PCDHGC3: variants seen among roughly 807,000 people sequenced by gnomAD.
PCDHGC3 encodes the protein protocadherin gamma subfamily C, 3.
A neutral mutation model predicts 59.2 loss-of-function variants in PCDHGC3; 26 were observed. The observed-to-expected ratio is 0.44, with a 90% CI of 0.32 to 0.61. PCDHGC3 has a LOEUF of 0.61. PCDHGC3 is among the 20% of genes least tolerant of loss of function. The pLI is 0.05. For synonymous variants in PCDHGC3, 487 were observed against 519.7 expected (o/e 0.94, Z 0.86); for missense variants, 1,080 against 1,221.8 (o/e 0.88, Z 1.73).
intron 1 of PCDHGC3, among the ~76,000 whole-genome samples, chr5:141,482,794 G>A (rs374042779): frequency 6.2e-5 from 8 of 129,246 alleles, no homozygotes; most frequent in Non-Finnish European, 8.1e-5. Flanking sequence ...GTGTGTGGCC[G>A]GGTACGGTGG....
intron 2 of PCDHGC3, among the ~76,000 whole-genome samples, chr5:141,501,988 T>C (rs2099812189): frequency 6.6e-6 from 1 of 152,056 alleles, no homozygotes; most frequent in Non-Finnish European, 1.5e-5. Flanking sequence ...GGTCCCGTTG[T>C]CTCCCTGACA....
Position 141,486,266 on chromosome 5 carries a change from C to G in PCDHGC3, c.2430+7720C>G, listed in dbSNP as rs1311684194. On this transcript the variant is annotated intron_variant, in intron 1 of 3. Transcript: ENST00000308177. The surrounding 1 kb of genome is among the most constrained non-coding windows in gnomAD (Gnocchi z 5.0). Reference sequence around the variant, plus strand: ...TGGAACCCTCCCCGAGAGTGCAGAACCTGGCACTGTGGTGGCACTTATCAG... The same window carrying G: ...TGGAACCCTCCCCGAGAGTGCAGAAGCTGGCACTGTGGTGGCACTTATCAG... 1 of 1,614,098 alleles carries G rather than the reference C, an allele frequency of 6.2e-7. No individual in the cohort carries two copies.
At position 141,485,326 on chromosome 5, in the gene PCDHGC3, T is replaced by C. The variant is rs2154580391; in HGVS notation, c.2430+6780T>C. On this transcript the variant is annotated intron_variant, in intron 1 of 3. Coordinates refer to ENST00000308177, the MANE Select transcript of PCDHGC3 (RefSeq NM_002588.4). This position sits in a 1 kb window ranked among gnomAD's most constrained non-coding sequence, Gnocchi z 5.7. ...CTTTTGTAGGGAATGTCGCTCAAGATTTCCTGCTGGATACGGACAGTCTGT... is the reference window on the plus strand; with the variant it reads ...CTTTTGTAGGGAATGTCGCTCAAGACTTCCTGCTGGATACGGACAGTCTGT... 1 of 1,614,106 alleles carries C rather than the reference T, an allele frequency of 6.2e-7. No homozygotes were observed. The highest frequency in any genetic ancestry group is 1.7e-5 in the Admixed American group (1 of 60,028).
At chr5:141,483,743 C>G (rs1360515518) in intron 1 of PCDHGC3, among the ~76,000 whole-genome samples, 2 of 152,022 alleles carry the variant, frequency 1.3e-5, no homozygotes, top group Non-Finnish European at 2.9e-5. Context: ...AAAGGATATT[C>G]CTGAGGATCG....
Position 141,476,369 on chromosome 5 carries a change from G to A in PCDHGC3, c.253G>A (p.Glu85Lys), listed in dbSNP as rs1178923246. 1.9e-6 allele frequency: 3 copies of A among 1,614,098 alleles called. No homozygotes were observed. The African/African-American group carries it at 4.0e-5, about 22-fold the overall frequency. ...RFFEVNRETG[E>K]MFVNDRLDRE... ...CTTTGAGGTGAACCGGGAGACCGGA[G>A]AGATGTTTGTGAACGACCGTCTGGA... The change falls in exon 1 of 4, where the codon GAG becomes AAG. Residue 85 changes from glutamate (E) to lysine (K), a missense_variant. Transcript: ENST00000308177. This position sits in a 1 kb window ranked among gnomAD's most constrained non-coding sequence, Gnocchi z 7.6.
In PCDHGC3 at chr5:141,487,456, G is replaced by A. The variant is rs1041154635; in HGVS notation, c.2431-7351G>A. Reference sequence around the variant, plus strand: ...AGCTAGGGTCAGATGACCCTATCAAGTTTGTTGATGTGGGAGGCCACTCTC... The same window carrying A: ...AGCTAGGGTCAGATGACCCTATCAAATTTGTTGATGTGGGAGGCCACTCTC... On this transcript the variant is annotated intron_variant, in intron 1 of 3. Coordinates refer to ENST00000308177, the MANE Select transcript of PCDHGC3 (RefSeq NM_002588.4). The surrounding 1 kb of genome is among the most constrained non-coding windows in gnomAD (Gnocchi z 5.0). 6.2e-7 allele frequency: 1 copy of A among 1,614,196 alleles called. No individual in the cohort carries two copies. The highest frequency in any genetic ancestry group is 8.5e-7 in the Non-Finnish European group (1 of 1,180,026).
In PCDHGC3 at chr5:141,477,294, C is replaced by T. The variant is rs753131175; in HGVS notation, c.1178C>T (p.Pro393Leu). ...GGGCTGGTGACCTGCGAAGTTCCAC[C>T]GGGTCTCCCTTTCAGCCTTACTTCT... is the stretch of plus-strand genomic sequence containing the variant. Reference protein sequence around the residue: ...ENGLVTCEVPPGLPFSLTSSL... With the variant: ...ENGLVTCEVPLGLPFSLTSSL... Residue 393 changes from proline to leucine, a missense_variant, in exon 1 of 4, where the codon CCG becomes CTG. By Grantham distance (98) the Pro-to-Leu change is moderately conservative. Transcript: ENST00000308177. The surrounding 1 kb of genome is among the most constrained non-coding windows in gnomAD (Gnocchi z 4.9). 4.3e-6 allele frequency: 7 copies of T among 1,614,142 alleles called. No individual in the cohort carries two copies. Among genetic ancestry groups the T allele is most frequent in the East Asian group, 4.5e-5 (2 of 44,872 alleles).
Position 141,490,644 on chromosome 5 carries a change from T to G in PCDHGC3, c.2431-4163T>G, listed in dbSNP as rs772742713. 1 of 1,614,188 alleles carries G rather than the reference T, an allele frequency of 6.2e-7. No individual in the cohort carries two copies. Among genetic ancestry groups the G allele is most frequent in the Non-Finnish European group, 8.5e-7 (1 of 1,180,016 alleles). The stretch of plus-strand genomic sequence containing the variant: ...CTGCTTACATCCTAGAAAACCGGCC[T>G]CCGGGCTCCCTTCTTTGCACTGTGG... On this transcript the variant is annotated intron_variant, in intron 1 of 3. Transcript: ENST00000308177. The surrounding 1 kb of genome is among the most constrained non-coding windows in gnomAD (Gnocchi z 5.4).
rs750139205 is a variant in PCDHGC3 at position 141,489,738 on chromosome 5, T to C, written c.2431-5069T>C. Reference sequence around the variant, plus strand: ...AGGATCCGGATGTGGGCACCAATACTGTGAGCTTTTACACTCTAAGCCCCA... The same window carrying C: ...AGGATCCGGATGTGGGCACCAATACCGTGAGCTTTTACACTCTAAGCCCCA... On this transcript the variant is annotated intron_variant, in intron 1 of 3. Coordinates refer to ENST00000308177, the MANE Select transcript of PCDHGC3 (RefSeq NM_002588.4). This position sits in a 1 kb window ranked among gnomAD's most constrained non-coding sequence, Gnocchi z 4.5. 1 of 1,614,168 alleles carries C rather than the reference T, an allele frequency of 6.2e-7. No individual in the cohort carries two copies. Among genetic ancestry groups the C allele is most frequent in the Non-Finnish European group, 8.5e-7 (1 of 1,180,030 alleles).
At position 141,511,520 on chromosome 5, in the gene PCDHGC3, A is replaced by C; in HGVS notation, c.*347A>C. On this transcript the variant is annotated 3_prime_UTR_variant, in exon 4 of 4. Coordinates refer to ENST00000308177, the MANE Select transcript of PCDHGC3 (RefSeq NM_002588.4). Reference sequence around the variant, plus strand: ...CAAATCAATCAGGCCCATCCATCCCATGCCTCCCTCCTCCCCACCCCACTC... The same window carrying C: ...CAAATCAATCAGGCCCATCCATCCCCTGCCTCCCTCCTCCCCACCCCACTC... The C allele has an allele frequency of 2.8e-6, 1 of 358,498 alleles. No homozygotes were observed. Among genetic ancestry groups the C allele is most frequent in the Non-Finnish European group, 5.3e-6 (1 of 189,848 alleles). 22.2% of individuals were successfully genotyped at this position (358,498 alleles called of 1,614,324 possible).
intron 1 of PCDHGC3, among the ~76,000 whole-genome samples, chr5:141,481,749 C>T (rs958851030): frequency 6.6e-6 from 1 of 151,976 alleles, no homozygotes; most frequent in Non-Finnish European, 1.5e-5. Context: ...GTCAGGAGTC[C>T]AAGACCAGCC....
Position 141,486,674 on chromosome 5 carries a change from G to A in PCDHGC3, c.2430+8128G>A. On this transcript the variant is annotated intron_variant, in intron 1 of 3. Transcript: ENST00000308177. This position sits in a 1 kb window ranked among gnomAD's most constrained non-coding sequence, Gnocchi z 5.0. ...CTCACTCCTGGAGCCCAGGAATCGA[G>A]ATGTATCAGCTTCCTCTTTCATCTC... The A allele has an allele frequency of 1.9e-6, 3 of 1,614,080 alleles. No individual in the cohort carries two copies. Among genetic ancestry groups the A allele is most frequent in the Non-Finnish European group, 2.5e-6 (3 of 1,180,036 alleles).
chr5:141,506,742 A>G (rs1475692668), intron 3 of PCDHGC3, among the ~76,000 whole-genome samples: 5 of 152,172 alleles, frequency 3.3e-5, no homozygotes, highest in Non-Finnish European at 7.3e-5. Context: ...AATGCCTATT[A>G]ATAAAGACTA....
intron 1 of PCDHGC3, among the ~76,000 whole-genome samples, chr5:141,483,459 G>A (rs1214951485): frequency 6.6e-6 from 1 of 152,186 alleles, no homozygotes; most frequent in Non-Finnish European, 1.5e-5. Flanking sequence ...AGGACTTGTT[G>A]ATTGACATGA....
At chr5:141,509,032 A>G (rs2099873869) in intron 3 of PCDHGC3, among the ~76,000 whole-genome samples, 1 of 151,488 alleles carries the variant, frequency 6.6e-6, no homozygotes, top group African/African-American at 2.4e-5. Flanking sequence ...CTCCCACTCA[A>G]CCCCTCTCCC....
At chr5:141,494,772 G>C in intron 1 of PCDHGC3, 35 bp from the exon 2 acceptor site, 1 of 1,613,982 alleles carries the variant, frequency 6.2e-7, no homozygotes, top group Non-Finnish European at 8.5e-7. Context: ...ACTTCTCACG[G>C]GTACTCAGCC....
rs779686795 is a variant in PCDHGC3 at position 141,476,566 on chromosome 5, G to C, written c.450G>C (p.Pro150=). The stretch of plus-strand genomic sequence containing the variant: ...TGGAGATTAGCGAGGCCGTGGCTCC[G>C]GGGACGCGCTTTCCGCTCGAGAGCG... ...MKLEISEAVA[P]GTRFPLESAH... Residue 150 remains proline, a synonymous_variant, in exon 1 of 4, where the codon CCG becomes CCC. Transcript: ENST00000308177. This position sits in a 1 kb window ranked among gnomAD's most constrained non-coding sequence, Gnocchi z 7.6. 1.2e-6 allele frequency: 2 copies of C among 1,614,180 alleles called. No homozygotes were observed. The highest frequency in any genetic ancestry group is 1.7e-5 in the Admixed American group (1 of 60,030).
rs1053018756 is a variant in PCDHGC3, at chr5:141,497,630, G to T, written c.2489+2765G>T. ...TCTTGGCTCACTGCAACCTCTGCCT[G>T]CCAGGTTCAAGCGATTCTCCTGCCT... is the stretch of plus-strand genomic sequence containing the variant. On this transcript the variant is annotated intron_variant, in intron 2 of 3. Coordinates refer to ENST00000308177, the MANE Select transcript of PCDHGC3 (RefSeq NM_002588.4). 3.3e-5 allele frequency among the ~76,000 whole-genome samples: 5 copies of T among 150,256 alleles called. No homozygotes were observed. The Admixed American group carries it at 3.3e-4, about 10-fold the overall frequency.
Position 141,485,200 on chromosome 5 carries a change from A to C in PCDHGC3, c.2430+6654A>C. 1 of 1,614,116 alleles carries C rather than the reference A, an allele frequency of 6.2e-7. No homozygotes were observed. The highest frequency in any genetic ancestry group is 2.2e-5 in the East Asian group (1 of 44,872). ...TGCTCCGCAAGGTGAGAAGCTGGAC[A>C]GAAATCTGGCGGTGGGCTACCCTTT... On this transcript the variant is annotated intron_variant, in intron 1 of 3. Coordinates refer to ENST00000308177, the MANE Select transcript of PCDHGC3 (RefSeq NM_002588.4). This position sits in a 1 kb window ranked among gnomAD's most constrained non-coding sequence, Gnocchi z 5.7.
Sources: allele counts gnomAD v4.1 joint callset (sites outside exome capture counted in the v4.1 genomes callset), GRCh38; gene constraint gnomAD v4.1.1; non-coding constraint Gnocchi (gnomAD v3.1); transcripts MANE v1.5; gene names NCBI Gene and HGNC (gene_info 2026-07-23, HGNC 2026-07-21).